The following PCDH15 variants were observed in gnomAD, a reference collection of about 807,000 sequenced individuals.
PCDH15 encodes the protein protocadherin-15.
PCDH15 carries 129 observed loss-of-function variants against 178.5 expected under a neutral mutation model. The observed-to-expected ratio is 0.72, with a 90% CI of 0.63 to 0.84. The LOEUF (loss-of-function observed/expected upper bound fraction) is 0.84, where lower values mean the gene tolerates loss of function less well. Ranked by LOEUF, PCDH15 falls within the 40% of genes least tolerant of loss-of-function variation. The pLI is 0.00. For missense variants in PCDH15, 2,230 were observed against 2,099.9 expected (o/e 1.06, Z -1.21); for synonymous variants, 800 against 732.0 (o/e 1.09, Z -1.50).
chr10:55,185,792 T>A (rs1839783376), intron 1 of PCDH15, among the ~76,000 whole-genome samples: 1 of 151,714 alleles, frequency 6.6e-6, no homozygotes, highest in African/African-American at 2.4e-5. Flanking sequence ...TAATATATAT[T>A]GAGTTTTGTT....
chr10:55,389,585 C>A (rs1837745155), intron 2 of PCDH15, among the ~76,000 whole-genome samples: 1 of 152,090 alleles, frequency 6.6e-6, no homozygotes, highest in Non-Finnish European at 1.5e-5. Context: ...TCATATATCT[C>A]ATATTAAACT....
chr10:55,347,621 TTG>T (rs1844798271), intron 2 of PCDH15, among the ~76,000 whole-genome samples: 1 of 152,182 alleles, frequency 6.6e-6, no homozygotes, highest in African/African-American at 2.4e-5. Flanking sequence ...CCCTAGGGCA[TTG>T]AGAATGCTCC....
At chr10:54,935,374 C>A (rs1591793587) in intron 2 of PCDH15, among the ~76,000 whole-genome samples, 1 of 152,232 alleles carries the variant, frequency 6.6e-6, no homozygotes, top group East Asian at 1.9e-4. Context: ...AATACATCAA[C>A]TGAATTTTTA....
At chr10:55,010,565 A>T (rs1200065810) in intron 2 of PCDH15, among the ~76,000 whole-genome samples, 1 of 152,164 alleles carries the variant, frequency 6.6e-6, no homozygotes, top group East Asian at 1.9e-4. Context: ...ACAAGAAGTC[A>T]GCCATGTCAT....
chr10:55,424,876 A>C (rs1453769912), intron 2 of PCDH15, among the ~76,000 whole-genome samples: 1 of 146,924 alleles, frequency 6.8e-6, no homozygotes, highest in African/African-American at 2.6e-5. Context: ...GTATTGCAAC[A>C]GTTGATGTGG....
At chr10:54,035,724 G>T (rs2093401510) in intron 18 of PCDH15, among the ~76,000 whole-genome samples, 1 of 151,912 alleles carries the variant, frequency 6.6e-6, no homozygotes, top group African/African-American at 2.4e-5. Context: ...TGAAAGAGTT[G>T]TGTGTCTCTG....
chr10:53,938,653 G>T (rs1423985218), intron 25 of PCDH15, among the ~76,000 whole-genome samples, 162 bp downstream of exon 25: 1 of 152,006 alleles, frequency 6.6e-6, no homozygotes, highest in Admixed American at 6.6e-5. Flanking sequence ...TCCCTGCCTT[G>T]TCATATATTA....
chr10:54,627,724 G>A (rs1418621362), intron 2 of PCDH15, among the ~76,000 whole-genome samples: 1 of 152,184 alleles, frequency 6.6e-6, no homozygotes, highest in East Asian at 1.9e-4. Flanking sequence ...AGACATTTAA[G>A]TGGGCTGGGA....
At chr10:55,283,873 T>G (rs552203564) in intron 1 of PCDH15, among the ~76,000 whole-genome samples, 1 of 152,170 alleles carries the variant, frequency 6.6e-6, no homozygotes, top group Non-Finnish European at 1.5e-5. Context: ...AGAAATACTT[T>G]TTAAAATTAA....
chr10:54,179,775 C>G (rs192825667), intron 13 of PCDH15, among the ~76,000 whole-genome samples: 49 of 152,210 alleles, frequency 3.2e-4, no homozygotes, highest in South Asian at 1.9e-3. Context: ...GGCATCAATA[C>G]TTTAAAAGTT....
chr10:54,903,645 G>A (rs905935082), intron 2 of PCDH15, among the ~76,000 whole-genome samples: 1 of 151,820 alleles, frequency 6.6e-6, no homozygotes, highest in East Asian at 1.9e-4. Flanking sequence ...TCCAGTATTA[G>A]AAACAATCTA....
At chr10:55,273,909 G>A (rs961227602) in intron 1 of PCDH15, among the ~76,000 whole-genome samples, 2 of 126,428 alleles carry the variant, frequency 1.6e-5, no homozygotes, top group East Asian at 4.9e-4. Context: ...AATTAGTTAA[G>A]TGTAAAAGTT....
chr10:55,150,133 CAA>C (rs1838667623), intron 2 of PCDH15, among the ~76,000 whole-genome samples: 2 of 151,590 alleles, frequency 1.3e-5, no homozygotes, highest in South Asian at 4.2e-4. Flanking sequence ...GGAGAGAAGA[CAA>C]GAGAAGAGGA....
At chr10:54,024,583 A>G (rs2093026357) in intron 18 of PCDH15, among the ~76,000 whole-genome samples, 1 of 152,180 alleles carries the variant, frequency 6.6e-6, no homozygotes. Context: ...AATGCCAAGC[A>G]TTTCAGCAGG....
chr10:54,156,464 C>T (rs4465292), intron 13 of PCDH15, among the ~76,000 whole-genome samples: 4,196 of 152,158 alleles, frequency 0.028, 190 homozygotes, highest in African/African-American at 0.095. Flanking sequence ...TGCAGGGAAG[C>T]TCCCCTTTTT....
At chr10:54,831,314 A>C (rs1020345902) in intron 3 of PCDH15, among the ~76,000 whole-genome samples, 1 of 152,088 alleles carries the variant, frequency 6.6e-6, no homozygotes, top group African/African-American at 2.4e-5. Context: ...GACAGAAAAA[A>C]CTTATTGTCA....
At chr10:55,244,406 A>G (rs1183638377) in intron 1 of PCDH15, among the ~76,000 whole-genome samples, 1 of 152,116 alleles carries the variant, frequency 6.6e-6, no homozygotes, top group Non-Finnish European at 1.5e-5. Context: ...TACTTGAACC[A>G]ATGTTCCCCA....
intron 2 of PCDH15, among the ~76,000 whole-genome samples, chr10:55,518,682 G>A (rs1349918334): frequency 6.6e-6 from 1 of 151,950 alleles, no homozygotes; most frequent in East Asian, 1.9e-4. Flanking sequence ...GGATATGCCT[G>A]CAGCTGCAGG....
chr10:53,991,073 C>T (rs1196619504), intron 21 of PCDH15, among the ~76,000 whole-genome samples: 1 of 152,150 alleles, frequency 6.6e-6, no homozygotes, highest in Non-Finnish European at 1.5e-5. Flanking sequence ...GACCTGCAGC[C>T]CGCCATGGCC....
Sources: gnomAD v4.1 joint callset for allele counts (sites outside exome capture counted in the v4.1 genomes callset) on GRCh38, gnomAD v4.1.1 for gene constraint, MANE v1.5 for transcripts, NCBI Gene and HGNC (gene_info 2026-07-23, HGNC 2026-07-21) for gene names.